The following SORCS1 variants were observed in gnomAD, a reference collection of about 807,000 sequenced individuals.
SORCS1 encodes the protein VPS10 domain-containing receptor SorCS1.
In SORCS1, 60 loss-of-function variants were observed where a neutral mutation model predicts 146.1. The ratio of observed to expected loss-of-function variants is 0.41; its 90% CI spans 0.33 to 0.51. The LOEUF (loss-of-function observed/expected upper bound fraction) is 0.51, where lower values mean the gene tolerates loss of function less well. Ranked by LOEUF, SORCS1 falls within the 20% of genes least tolerant of loss-of-function variation. The probability of loss-of-function intolerance (pLI) is 0.21; values close to 1 mark genes in which losing one functional copy is unlikely to be tolerated. For synonymous variants in SORCS1, 637 were observed against 584.0 expected (o/e 1.09, Z -1.31); for missense variants, 1,352 against 1,487.6 (o/e 0.91, Z 1.50).
At chr10:107,178,843 T>TA in the SORCS1 span, among the ~76,000 whole-genome samples, 4 of 151,788 alleles carry the variant, frequency 2.6e-5, no homozygotes, top group Non-Finnish European at 5.9e-5. Context: ...TATACCACAT[T>TA]AAAAAAAATC....
intron 3 of SORCS1, among the ~76,000 whole-genome samples, chr10:106,793,144 T>C (rs1238279374): frequency 6.6e-6 from 1 of 152,166 alleles, no homozygotes. Flanking sequence ...GCTATTGAAA[T>C]GTACAAAATT....
At chr10:107,074,804 C>G (rs1962744051) in intron 1 of SORCS1, among the ~76,000 whole-genome samples, 1 of 152,060 alleles carries the variant, frequency 6.6e-6, no homozygotes, top group Non-Finnish European at 1.5e-5. Context: ...ATACGATGTG[C>G]AGCATTTTTT....
In SORCS1 at chr10:107,106,033, C is replaced by T. The variant is rs147082213; in HGVS notation, c.558+57936G>A. Among the ~76,000 whole-genome samples, 333 of 152,280 alleles carry T rather than the reference C, an allele frequency of 2.2e-3. 5 individuals carry two copies. The highest frequency in any genetic ancestry group is 3.4e-3 in the Middle Eastern group (1 of 294). ...GCAGAAAACACATTCATAAGCTAGA[C>T]TGGATTTGGACTTCCGTGGACCTCC... is the stretch of plus-strand genomic sequence containing the variant. On this transcript the variant is annotated intron_variant, in intron 1 of 25. Coordinates refer to ENST00000263054, the MANE Select transcript of SORCS1 (RefSeq NM_052918.5).
chr10:106,588,047 C>A (rs1034136352), intron 24 of SORCS1, among the ~76,000 whole-genome samples: 2 of 152,204 alleles, frequency 1.3e-5, no homozygotes, highest in East Asian at 3.8e-4. Flanking sequence ...TCATTTTATG[C>A]TCACACTGGC....
chr10:106,874,069 G>A (rs539554927), intron 2 of SORCS1, among the ~76,000 whole-genome samples: 1 of 152,302 alleles, frequency 6.6e-6, no homozygotes, highest in Non-Finnish European at 1.5e-5. Context: ...TCAATATAGA[G>A]TACTTTATAA....
chr10:107,094,231 G>A (rs1394713803), intron 1 of SORCS1, among the ~76,000 whole-genome samples: 1 of 151,644 alleles, frequency 6.6e-6, no homozygotes, highest in African/African-American at 2.4e-5. Context: ...AGTGTCATAT[G>A]GTAATTGTTT....
intron 17 of SORCS1, among the ~76,000 whole-genome samples, chr10:106,657,246 T>G (rs186212126): frequency 3.0e-4 from 46 of 152,262 alleles, no homozygotes; most frequent in Non-Finnish European, 5.6e-4. Context: ...AAATGTGGTG[T>G]ACATACACCA....
rs113687108 is a variant in SORCS1 at position 107,095,419 on chromosome 10, T to A, written c.558+68550A>T. On this transcript the variant is annotated intron_variant, in intron 1 of 25. Transcript: ENST00000263054. ...CACCTCATCATGCTGCATGTAGCCATGAAACTCATAGTCTCCCTGAACCCA... is the reference window on the plus strand; with the variant it reads ...CACCTCATCATGCTGCATGTAGCCAAGAAACTCATAGTCTCCCTGAACCCA... 8.0e-3 allele frequency among the ~76,000 whole-genome samples: 1,224 copies of A among 152,158 alleles called. 13 individuals carry two copies. Among genetic ancestry groups the A allele is most frequent in the African/African-American group, 0.021 (867 of 41,516 alleles).
chr10:106,796,181 A>AT, intron 3 of SORCS1, among the ~76,000 whole-genome samples: 1 of 152,192 alleles, frequency 6.6e-6, no homozygotes, highest in South Asian at 2.1e-4. Context: ...ACTGCCTGCT[A>AT]TTTTTTAAAA....
At chr10:106,956,462 G>A (rs774276778) in intron 2 of SORCS1, 51 bp downstream of exon 2, 13 of 1,539,668 alleles carry the variant, frequency 8.4e-6, no homozygotes, top group South Asian at 1.1e-5. Context: ...AGCAGTAGCA[G>A]GCATCATGCT....
At chr10:106,992,272 C>T (rs1024500462) in intron 1 of SORCS1, among the ~76,000 whole-genome samples, 1 of 152,094 alleles carries the variant, frequency 6.6e-6, no homozygotes, top group Admixed American at 6.5e-5. Flanking sequence ...CAGACTTCCT[C>T]TCCTAGTCAT....
chr10:106,918,046 T>C (rs1468585414), intron 2 of SORCS1, among the ~76,000 whole-genome samples: 1 of 152,202 alleles, frequency 6.6e-6, no homozygotes. Flanking sequence ...GTTTCCATCA[T>C]TGTAACTTAA....
chr10:106,940,897 T>A (rs1356662199), intron 2 of SORCS1, among the ~76,000 whole-genome samples: 2 of 151,654 alleles, frequency 1.3e-5, no homozygotes, highest in Non-Finnish European at 1.5e-5. Flanking sequence ...AAAATAATAA[T>A]AAAAAAAATT....
At chr10:106,611,286 C>G (rs528557917) in intron 22 of SORCS1, among the ~76,000 whole-genome samples, 42 of 152,248 alleles carry the variant, frequency 2.8e-4, no homozygotes, top group African/African-American at 9.9e-4. Flanking sequence ...GCTCCATCCT[C>G]TATTAGATAT....
At chr10:106,610,338 AG>A (rs2133405927) in intron 22 of SORCS1, among the ~76,000 whole-genome samples, 2 of 152,258 alleles carry the variant, frequency 1.3e-5, no homozygotes, top group South Asian at 4.1e-4. Context: ...ACCTTGGATG[AG>A]TAACCTAATA....
intron 2 of SORCS1, among the ~76,000 whole-genome samples, chr10:106,865,032 G>A (rs560697575): frequency 1.1e-4 from 17 of 152,240 alleles, no homozygotes; most frequent in Admixed American, 9.2e-4. Flanking sequence ...CAACTTTGCT[G>A]TTTTGGTGAC....
chr10:106,655,288 G>A (rs751847057), intron 17 of SORCS1, among the ~76,000 whole-genome samples: 9 of 152,122 alleles, frequency 5.9e-5, no homozygotes, highest in Non-Finnish European at 1.2e-4. Flanking sequence ...TAGCATCCTG[G>A]TACCAGCAAT....
At chr10:107,087,792 C>A (rs899759037) in intron 1 of SORCS1, among the ~76,000 whole-genome samples, 2 of 152,232 alleles carry the variant, frequency 1.3e-5, no homozygotes, top group Admixed American at 1.3e-4. Flanking sequence ...AAATAAATAT[C>A]GGCTTAGGCC....
chr10:107,055,187 T>G (rs1960491646), intron 1 of SORCS1, among the ~76,000 whole-genome samples: 1 of 152,170 alleles, frequency 6.6e-6, no homozygotes, highest in Non-Finnish European at 1.5e-5. Flanking sequence ...CTTCCTAGTT[T>G]CTTCTAGTTT....
Sources: gnomAD v4.1 joint callset for allele counts (sites outside exome capture counted in the v4.1 genomes callset) on GRCh38, gnomAD v4.1.1 for gene constraint, MANE v1.5 for transcripts, NCBI Gene and HGNC (gene_info 2026-07-23, HGNC 2026-07-21) for gene names.